DAB1: variants seen among roughly 807,000 people sequenced by gnomAD.
The protein encoded by DAB1 is DAB adaptor protein 1.
DAB1 carries 15 observed loss-of-function variants against 64.6 expected under a neutral mutation model. That is an observed-to-expected ratio of 0.23 (90% CI 0.16 to 0.36). The LOEUF is 0.36. DAB1 is among the 10% of genes least tolerant of loss of function. DAB1 has a pLI of 1.00. For synonymous variants in DAB1, 235 were observed against 251.9 expected (o/e 0.93, Z 0.64); for missense variants, 596 against 706.7 (o/e 0.84, Z 1.78).
rs71051249 is a variant in DAB1, at chr1:57,707,354, C to CTT, written n.552-57691_552-57690dup. ...ATTGTGTGAATAAGAAAATAAGAAA[C>CTT]TTTTTTTTTTTTTTTGCTGTGTAGT... is the stretch of plus-strand genomic sequence containing the variant. On this transcript the variant is annotated intron_variant and non_coding_transcript_variant, in intron 6 of 20. Coordinates refer to the DAB1 transcript ENST00000485760. Among the ~76,000 whole-genome samples, 1,343 of 141,820 alleles carry CTT rather than the reference C, an allele frequency of 9.5e-3. 5 individuals are homozygous for CTT. The highest frequency in any genetic ancestry group is 0.013 in the Non-Finnish European group (818 of 64,896). The allele number at this position is 141,820 out of a possible 152,430, so 93.0% of individuals were successfully genotyped here. A position where few individuals can be genotyped will look rare whatever the true frequency, so the allele number is the denominator to read the frequency against.
At chr1:58,466,598 C>T (rs1232066795) in intron 3 of DAB1, among the ~76,000 whole-genome samples, 1 of 152,132 alleles carries the variant, frequency 6.6e-6, no homozygotes, top group South Asian at 2.1e-4. Flanking sequence ...ACACTCTGCT[C>T]ATTCATCTTC....
intron 5 of DAB1, among the ~76,000 whole-genome samples, chr1:58,045,561 C>G (rs116538630): frequency 1.3e-5 from 2 of 152,182 alleles, no homozygotes; most frequent in African/African-American, 4.8e-5. Flanking sequence ...GCCAAGCCTT[C>G]GACAGTAGAT....
At chr1:57,447,645 A>G (rs1199092338) in intron 7 of DAB1, among the ~76,000 whole-genome samples, 1 of 152,218 alleles carries the variant, frequency 6.6e-6, no homozygotes, top group East Asian at 1.9e-4. Flanking sequence ...TGATTATACC[A>G]TGCCTTTGTT....
At chr1:57,238,503 AGAGTTTTTAGGG>A (rs1349298456) in intron 2 of DAB1, among the ~76,000 whole-genome samples, 1 of 152,106 alleles carries the variant, frequency 6.6e-6, no homozygotes, top group African/African-American at 2.4e-5. Context: ...CTTCTATTGG[AGAGTTTTTAGGG>A]ATGAAGTCAG....
At chr1:58,318,829 T>G (rs933289977) in intron 4 of DAB1, among the ~76,000 whole-genome samples, 2 of 152,192 alleles carry the variant, frequency 1.3e-5, no homozygotes, top group African/African-American at 4.8e-5. Flanking sequence ...ATTCCAAGCA[T>G]GCATTGTAAA....
intron 2 of DAB1, among the ~76,000 whole-genome samples, chr1:57,162,745 C>T (rs754578225): frequency 6.6e-6 from 1 of 152,182 alleles, no homozygotes; most frequent in Non-Finnish European, 1.5e-5. Context: ...TATCTTCCAT[C>T]TGCCTTCTAA....
At chr1:57,209,682 A>G (rs1385304864) in intron 2 of DAB1, among the ~76,000 whole-genome samples, 1 of 152,204 alleles carries the variant, frequency 6.6e-6, no homozygotes, top group Admixed American at 6.5e-5. Context: ...AACTTTGTCT[A>G]CTGTTACTGG....
chr1:58,386,663 A>C (rs1644435097), intron 3 of DAB1, among the ~76,000 whole-genome samples: 1 of 152,202 alleles, frequency 6.6e-6, no homozygotes, highest in Non-Finnish European at 1.5e-5. Context: ...CCGCTTTTGT[A>C]AAGTGAGAAA....
In DAB1 at chr1:57,739,487, C is replaced by T. The variant is rs186650443; in HGVS notation, n.552-89822G>A. Among the ~76,000 whole-genome samples, 210 of 118,424 alleles carry T rather than the reference C, an allele frequency of 1.8e-3. 5 individuals are homozygous for T. Among genetic ancestry groups the T allele is most frequent in the African/African-American group, 6.5e-3 (197 of 30,276 alleles). 77.7% of individuals were successfully genotyped at this position (118,424 alleles called of 152,430 possible). A position where few individuals can be genotyped will look rare whatever the true frequency, so the allele number is the denominator to read the frequency against. On this transcript the variant is annotated intron_variant and non_coding_transcript_variant, in intron 6 of 20. Coordinates refer to the DAB1 transcript ENST00000485760. ...CTCCCCTCCCCTCCCCTCCCCTCGC[C>T]CCAGGCTGGAGTGCAATGATGCAAT...
At chr1:57,238,895 C>CACACACACACACACACACA (rs1558002698) in intron 2 of DAB1, among the ~76,000 whole-genome samples, 3 of 124,678 alleles carry the variant, frequency 2.4e-5, no homozygotes, top group Admixed American at 8.9e-5. Flanking sequence ...ACACACACAC[C>CACACACACACACACACACA]CCTAACTTGA....
intron 4 of DAB1, among the ~76,000 whole-genome samples, chr1:58,224,239 T>G (rs1384564612): frequency 6.6e-6 from 1 of 152,188 alleles, no homozygotes; most frequent in Non-Finnish European, 1.5e-5. Context: ...CACACAGAAG[T>G]GCTAGGAGTG....
chr1:58,427,765 A>G (rs1335882375), intron 3 of DAB1, among the ~76,000 whole-genome samples: 1 of 152,180 alleles, frequency 6.6e-6, no homozygotes, highest in African/African-American at 2.4e-5. Flanking sequence ...TTATCTTAAA[A>G]TGTTAGATAG....
At chr1:57,898,832 T>C (rs1644429576) in intron 5 of DAB1, among the ~76,000 whole-genome samples, 1 of 152,196 alleles carries the variant, frequency 6.6e-6, no homozygotes, top group Non-Finnish European at 1.5e-5. Context: ...CTCTGGCATG[T>C]ATCTACATTG....
chr1:57,357,851 C>G (rs1183821879), intron 1 of DAB1, among the ~76,000 whole-genome samples: 1 of 151,846 alleles, frequency 6.6e-6, no homozygotes, highest in Non-Finnish European at 1.5e-5. Context: ...TGGGGGTAAC[C>G]ATCCCCATGA....
chr1:57,206,968 C>CTTTTTTTTTTTTTTTTTTTTTTTTT (rs201111039), intron 2 of DAB1, among the ~76,000 whole-genome samples: 2 of 84,476 alleles, frequency 2.4e-5, no homozygotes, highest in African/African-American at 9.8e-5. Context: ...TCCTTCCTTC[C>CTTTTTTTTTTTTTTTTTTTTTTTTT]TTTTTTTTTT....
intron 4 of DAB1, among the ~76,000 whole-genome samples, chr1:57,073,938 G>A (rs1651747140): frequency 1.3e-5 from 2 of 152,138 alleles, no homozygotes; most frequent in African/African-American, 4.8e-5. Context: ...GTGCAACGGT[G>A]CAATCTTGCC....
intron 5 of DAB1, chr1:58,049,045 C>G (rs1384560595): frequency 2.6e-6 from 2 of 783,778 alleles, no homozygotes; most frequent in Admixed American, 3.4e-5. Context: ...GTTTCCACAA[C>G]TCTTCCACCC....
chr1:57,218,252 A>G (rs1300628743), intron 2 of DAB1, among the ~76,000 whole-genome samples: 1 of 152,174 alleles, frequency 6.6e-6, no homozygotes, highest in Non-Finnish European at 1.5e-5. Flanking sequence ...TCTTGTTTAA[A>G]GCATTTATCT....
intron 2 of DAB1, among the ~76,000 whole-genome samples, chr1:57,203,971 C>T (rs552341250): frequency 9.3e-4 from 141 of 152,112 alleles, no homozygotes; most frequent in African/African-American, 3.4e-3. Context: ...TTCACTTCAC[C>T]CTCTGCCTCC....
Sources: gnomAD v4.1 joint callset for allele counts (sites outside exome capture counted in the v4.1 genomes callset) on GRCh38, gnomAD v4.1.1 for gene constraint, MANE v1.5 for transcripts, NCBI Gene and HGNC (gene_info 2026-07-23, HGNC 2026-07-21) for gene names.